SNTG1: variants seen among roughly 807,000 people sequenced by gnomAD.
SNTG1 encodes the protein syntrophin gamma 1, also known as gamma-1-syntrophin.
A neutral mutation model predicts 74.7 loss-of-function variants in SNTG1; 39 were observed. That is an observed-to-expected ratio of 0.52 (90% CI 0.40 to 0.68). The LOEUF is 0.68. Among genes scored for constraint, SNTG1 ranks in the 30% least tolerant of loss-of-function variants. The probability of loss-of-function intolerance (pLI) is 0.00; values close to 1 mark genes in which losing one functional copy is unlikely to be tolerated. For missense variants in SNTG1, 685 were observed against 609.5 expected (o/e 1.12, Z -1.30); for synonymous variants, 254 against 217.1 (o/e 1.17, Z -1.49).
intron 17 of SNTG1, among the ~76,000 whole-genome samples, chr8:50,734,847 GGACATATATATA>G (rs1447667215): frequency 5.5e-5 from 4 of 72,092 alleles, no homozygotes; most frequent in African/African-American, 2.6e-4. Context: ...CTATATATAT[GGACATATATATA>G]TCTATATATA....
rs374255177 is a variant in SNTG1 at position 50,504,310 on chromosome 8, A to G, written c.466+1430A>G. 3.3e-4 allele frequency among the ~76,000 whole-genome samples: 51 copies of G among 152,314 alleles called. 1 individual carries two copies. In the East Asian group the frequency reaches 4.8e-3, roughly 14 times the overall value. On this transcript the variant is annotated intron_variant, in intron 9 of 18. Coordinates refer to ENST00000642720, the MANE Select transcript of SNTG1 (RefSeq NM_018967.5). The stretch of plus-strand genomic sequence containing the variant: ...GAATAGTGCTGCAATGAACATACAC[A>G]TGCATGCGTCTTTATAATAGAATGA...
At chr8:50,791,277 TTATG>T (rs2095689928) in intron 18 of SNTG1, among the ~76,000 whole-genome samples, 1 of 151,890 alleles carries the variant, frequency 6.6e-6, no homozygotes, top group African/African-American at 2.4e-5. Flanking sequence ...TCTAAGATCA[TTATG>T]ATGGAGTTAC....
At position 50,207,945 on chromosome 8, in the gene SNTG1, T is replaced by G. The variant is rs189624588; in HGVS notation, c.-28+35310T>G. 1.8e-3 allele frequency among the ~76,000 whole-genome samples: 277 copies of G among 152,334 alleles called. 2 individuals carry two copies. Among genetic ancestry groups the G allele is most frequent in the African/African-American group, 6.3e-3 (261 of 41,576 alleles). On this transcript the variant is annotated intron_variant, in intron 2 of 18. Transcript: ENST00000642720. The stretch of plus-strand genomic sequence containing the variant: ...GATCTCAGAGACAGTTTGTTATAAT[T>G]TCTGTTCTTTTACATTTGATGAGGA...
At chr8:50,049,104 A>AG (rs1215764172) in intron 1 of SNTG1, among the ~76,000 whole-genome samples, 1 of 152,076 alleles carries the variant, frequency 6.6e-6, no homozygotes, top group Non-Finnish European at 1.5e-5. Context: ...ACAAAAAAAA[A>AG]GAAAAATGGA....
intron 5 of SNTG1, 100 bp downstream of exon 5, chr8:50,438,699 C>T (rs1039574926): frequency 1.1e-5 from 10 of 922,954 alleles, no homozygotes; most frequent in Middle Eastern, 2.1e-4. Context: ...ACAAGGATGG[C>T]TATAGCAAAC....
intron 1 of SNTG1, among the ~76,000 whole-genome samples, chr8:50,065,416 A>C (rs1241552478): frequency 6.6e-6 from 1 of 152,204 alleles, no homozygotes; most frequent in East Asian, 1.9e-4. Flanking sequence ...AATAAATAGA[A>C]TAAATAAAAT....
At chr8:49,954,765 A>G (rs1339450213) in intron 1 of SNTG1, among the ~76,000 whole-genome samples, 1 of 152,254 alleles carries the variant, frequency 6.6e-6, no homozygotes, top group African/African-American at 2.4e-5. Context: ...TTTTTAAAGC[A>G]TATCGACTTA....
chr8:50,326,872 T>C (rs980498571), intron 2 of SNTG1, among the ~76,000 whole-genome samples: 2 of 152,108 alleles, frequency 1.3e-5, no homozygotes, highest in African/African-American at 4.8e-5. Context: ...TCCCACACAC[T>C]TTGAAAAGTG....
intron 15 of SNTG1, 62 bp from the exon 16 acceptor site, chr8:50,704,538 A>C: frequency 3.1e-6 from 5 of 1,599,112 alleles, no homozygotes; most frequent in Non-Finnish European, 4.3e-6. Flanking sequence ...CCAGTCAGGA[A>C]TGGCCAGGTT....
At chr8:50,537,250 G>A (rs2094314815) in intron 11 of SNTG1, among the ~76,000 whole-genome samples, 1 of 151,964 alleles carries the variant, frequency 6.6e-6, no homozygotes, top group African/African-American at 2.4e-5. Context: ...TCAGCCTCCC[G>A]AGTAGCTGGG....
At chr8:50,754,677 T>G (rs1373287598) in intron 18 of SNTG1, among the ~76,000 whole-genome samples, 1 of 151,906 alleles carries the variant, frequency 6.6e-6, no homozygotes, top group African/African-American at 2.4e-5. Context: ...AATTCTGCCC[T>G]TTTAATATTT....
chr8:50,256,204 A>AT (rs905880869), intron 2 of SNTG1, among the ~76,000 whole-genome samples: 8 of 151,794 alleles, frequency 5.3e-5, no homozygotes, highest in Non-Finnish European at 1.5e-5. Flanking sequence ...GAGTATAAAA[A>AT]AAACAGCAGC....
At chr8:50,592,939 T>C (rs759444517) in intron 13 of SNTG1, among the ~76,000 whole-genome samples, 12 of 152,168 alleles carry the variant, frequency 7.9e-5, no homozygotes, top group Non-Finnish European at 1.5e-4. Context: ...TATTGCATAA[T>C]TAGGAAAACT....
At chr8:50,666,280 T>A (rs1370025504) in intron 15 of SNTG1, among the ~76,000 whole-genome samples, 1 of 152,102 alleles carries the variant, frequency 6.6e-6, no homozygotes, top group Non-Finnish European at 1.5e-5. Flanking sequence ...TAGGAAAAGA[T>A]CAAGGCATTT....
chr8:50,421,280 G>A (rs2093083328), intron 4 of SNTG1, among the ~76,000 whole-genome samples: 1 of 152,062 alleles, frequency 6.6e-6, no homozygotes, highest in African/African-American at 2.4e-5. Flanking sequence ...CATAGGCAGA[G>A]AAGCGTTCGG....
At position 50,262,758 on chromosome 8, in the gene SNTG1, C is replaced by A. The variant is rs1460449897; in HGVS notation, c.-28+90123C>A. Among the ~76,000 whole-genome samples, 3 of 151,858 alleles carry A rather than the reference C, an allele frequency of 2.0e-5. No homozygotes were observed. The East Asian group carries it at 5.8e-4, about 29-fold the overall frequency. On this transcript the variant is annotated intron_variant, in intron 2 of 18. Coordinates refer to ENST00000642720, the MANE Select transcript of SNTG1 (RefSeq NM_018967.5). ...AATGAAATCAATAAGCCCAGGCTAT[C>A]TAAAAAGAAAGAAACTATCAAGCTG...
At chr8:50,376,756 T>TATATATATATATATAGAGAGAGAG (rs1381048539) in intron 2 of SNTG1, among the ~76,000 whole-genome samples, 12 of 89,982 alleles carry the variant, frequency 1.3e-4, no homozygotes, top group Non-Finnish European at 2.5e-4. Flanking sequence ...TATATATATA[T>TATATATATATATATAGAGAGAGAG]AGAGAGAGAG....
At chr8:50,014,150 A>G (rs1456910235) in intron 1 of SNTG1, among the ~76,000 whole-genome samples, 2 of 152,080 alleles carry the variant, frequency 1.3e-5, no homozygotes, top group Admixed American at 6.6e-5. Context: ...CAGTAGCCAA[A>G]GGCTAAGAGC....
chr8:49,972,076 G>A (rs1811737307), intron 1 of SNTG1, among the ~76,000 whole-genome samples: 1 of 152,120 alleles, frequency 6.6e-6, no homozygotes, highest in Admixed American at 6.5e-5. Flanking sequence ...TAAGCCAAAA[G>A]AACAAAGCTG....
Sources: allele counts gnomAD v4.1 joint callset (sites outside exome capture counted in the v4.1 genomes callset), GRCh38; gene constraint gnomAD v4.1.1; transcripts MANE v1.5; gene names NCBI Gene and HGNC (gene_info 2026-07-23, HGNC 2026-07-21).